SLC12A6: variants seen among roughly 807,000 people sequenced by gnomAD.
The protein encoded by SLC12A6 is K-Cl cotransporter 3.
A neutral mutation model predicts 135.3 loss-of-function variants in SLC12A6; 66 were observed. That is an observed-to-expected ratio of 0.49 (90% CI 0.40 to 0.60). The LOEUF (loss-of-function observed/expected upper bound fraction) is 0.60, where lower values mean the gene tolerates loss of function less well. Ranked by LOEUF, SLC12A6 falls within the 20% of genes least tolerant of loss-of-function variation. The pLI is 0.00. For synonymous variants in SLC12A6, 513 were observed against 508.8 expected (o/e 1.01, Z -0.11); for missense variants, 1,058 against 1,452.3 (o/e 0.73, Z 4.41).
At chr15:34,330,700 A>G (rs544078208) in intron 2 of SLC12A6, among the ~76,000 whole-genome samples, 1 of 152,240 alleles carries the variant, frequency 6.6e-6, no homozygotes, top group Non-Finnish European at 1.5e-5. Flanking sequence ...AAAAAAAACA[A>G]AACTATCAAG....
rs114895928 is a variant in SLC12A6 at position 34,237,596 on chromosome 15, A to G, written c.2803-46T>C. The stretch of plus-strand genomic sequence containing the variant: ...TGTGAAAAATTAGAGCAAGGAGGCA[A>G]AAAAGGTTATTTCCTAAGACATTAG... On this transcript the variant is annotated intron_variant, in intron 21 of 25. Transcript: ENST00000354181. 1,562 of 1,553,190 alleles carry G rather than the reference A, an allele frequency of 1.0e-3. 16 individuals carry two copies. In the African/African-American group the frequency reaches 0.018, roughly 18 times the overall value.
At chr15:34,327,004 GGT>G (rs1052983996) in intron 2 of SLC12A6, among the ~76,000 whole-genome samples, 8 of 150,942 alleles carry the variant, frequency 5.3e-5, no homozygotes, top group African/African-American at 1.5e-4. Context: ...CAAAAATTCT[GGT>G]CTTGGAATTA....
chr15:34,242,198 C>T lies in SLC12A6; in HGVS notation c.2066G>A (p.Ser689Asn). 3.8e-6 allele frequency: 6 copies of T among 1,599,868 alleles called. No homozygotes were observed. Among genetic ancestry groups the T allele is most frequent in the Non-Finnish European group, 5.1e-6 (6 of 1,167,376 alleles). The part of the protein sequence containing the change: ...YHWALSFMGM[S>N]ICLALMFISS... ...AATGAACATCAGAGCCAGACAGATA[C>T]TCATTCCCATGAAAGAAAGGGCCCT... The change falls in exon 17 of 26, where the codon AGT (serine) becomes AAT (asparagine). Residue 689 changes from serine (S) to asparagine (N), a missense_variant. Coordinates refer to ENST00000354181, the MANE Select transcript of SLC12A6 (RefSeq NM_001365088.1).
intron 2 of SLC12A6, among the ~76,000 whole-genome samples, chr15:34,285,109 G>A (rs1400929797): frequency 6.6e-6 from 1 of 152,180 alleles, no homozygotes; most frequent in East Asian, 1.9e-4. Context: ...TTTACTGTGA[G>A]ATAAGAAGCC....
chr15:34,268,277 T>C (rs1231636499), intron 3 of SLC12A6, among the ~76,000 whole-genome samples: 3 of 152,220 alleles, frequency 2.0e-5, no homozygotes, highest in Non-Finnish European at 4.4e-5. Context: ...CTGGCCCACC[T>C]TCCATTTGCT....
At position 34,255,875 on chromosome 15, in the gene SLC12A6, G is replaced by C. The variant is rs116737222; in HGVS notation, c.745+354C>G. The stretch of plus-strand genomic sequence containing the variant: ...TTCCAGCTACTCAGGAGGCTGAAGT[G>C]GGAAAGCAGCTTGAGCCTAGGAGTT... On this transcript the variant is annotated intron_variant, in intron 7 of 25. Transcript: ENST00000354181. Among the ~76,000 whole-genome samples the C allele has an allele frequency of 8.9e-3, 1,351 of 152,104 alleles. 11 individuals are homozygous for C. The highest frequency in any genetic ancestry group is 0.031 in the African/African-American group (1,275 of 41,514).
In SLC12A6 at chr15:34,232,375, G is replaced by C. The variant is rs1891005134; in HGVS notation, c.*1506C>G. 6.6e-6 allele frequency: 1 copy of C among 152,144 alleles called. No homozygotes were observed. The highest frequency in any genetic ancestry group is 1.5e-5 in the Non-Finnish European group (1 of 68,044). 9.4% of individuals were successfully genotyped at this position (152,144 alleles called of 1,614,324 possible). A position where few individuals can be genotyped will look rare whatever the true frequency, so the allele number is the denominator to read the frequency against. ...TCCGTGTTGCTGGGATCACAGGCAT[G>C]CACCACCATGCCCAGCTAATTTTTG... On this transcript the variant is annotated 3_prime_UTR_variant, in exon 26 of 26. Transcript: ENST00000354181.
rs770531965 is a variant in SLC12A6 at position 34,233,981 on chromosome 15, C to T, written c.3362-9G>A. 2.4e-5 allele frequency: 35 copies of T among 1,473,974 alleles called. No individual in the cohort carries two copies. The allele number at this position is 1,473,974 out of a possible 1,614,324, so 91.3% of individuals were successfully genotyped here. A position where few individuals can be genotyped will look rare whatever the true frequency, so the allele number is the denominator to read the frequency against. On this transcript the variant is annotated splice_polypyrimidine_tract_variant and intron_variant, in intron 25 of 25. Transcript: ENST00000354181. ...CTCTAGGAACTCCATGTCTTCAAAACTTGTCAAGGAGACAGGCAAAAGAAG... is the reference window on the plus strand; with the variant it reads ...CTCTAGGAACTCCATGTCTTCAAAATTTGTCAAGGAGACAGGCAAAAGAAG...
rs1891239879 is a variant in SLC12A6 at position 34,236,033 on chromosome 15, T to A, written c.3209A>T (p.Asp1070Val). The A allele has an allele frequency of 6.2e-7, 1 of 1,614,004 alleles. No homozygotes were observed. Among genetic ancestry groups the A allele is most frequent in the Non-Finnish European group, 8.5e-7 (1 of 1,179,846 alleles). Reference sequence around the variant, plus strand: ...AACTTACGGACGCATGTTAAGCAGGTCCTGGAATCCTTCCATTGACTTCGC... The same window carrying A: ...AACTTACGGACGCATGTTAAGCAGGACCTGGAATCCTTCCATTGACTTCGC... ...QKAKSMEGFQ[D>V]LLNMRPDQSN... Residue 1070 changes from aspartate (D) to valine (V), a missense_variant, in exon 24 of 26, where the codon GAC becomes GTC. Transcript: ENST00000354181.
chr15:34,254,199 C>A, intron 9 of SLC12A6, 149 bp downstream of exon 9: 1 of 818,746 alleles, frequency 1.2e-6, no homozygotes, highest in South Asian at 1.4e-5. Context: ...AGGCTTCCTG[C>A]CTAGATGAGG....
At chr15:34,236,300 C>G in intron 23 of SLC12A6, 101 bp from the exon 24 acceptor site, 1 of 853,584 alleles carries the variant, frequency 1.2e-6, no homozygotes, top group Non-Finnish European at 2.0e-6. Context: ...GAATAACTGA[C>G]AGAGTGAGAA....
intron 2 of SLC12A6, among the ~76,000 whole-genome samples, chr15:34,326,692 CTTTTTTT>C (rs10550362): frequency 2.1e-4 from 29 of 135,330 alleles, no homozygotes; most frequent in African/African-American, 7.2e-4. Flanking sequence ...CATTTTATTA[CTTTTTTT>C]TTTTTTTTTT....
intron 2 of SLC12A6, among the ~76,000 whole-genome samples, chr15:34,305,666 A>C (rs1896558326): frequency 6.6e-6 from 1 of 152,026 alleles, no homozygotes; most frequent in Non-Finnish European, 1.5e-5. Context: ...GGTGATAATA[A>C]TTATTTAGGT....
At chr15:34,333,935 T>G (rs997878496) in intron 2 of SLC12A6, among the ~76,000 whole-genome samples, 2 of 151,812 alleles carry the variant, frequency 1.3e-5, no homozygotes, top group African/African-American at 4.8e-5. Context: ...CCAGGTGTGG[T>G]GGTGCATGCC....
rs1890838686 is a variant in SLC12A6 at position 34,230,320 on chromosome 15, T to C, written c.*3561A>G. 1 of 156,770 alleles carries C rather than the reference T, an allele frequency of 6.4e-6. No homozygotes were observed. 9.7% of individuals were successfully genotyped at this position (156,770 alleles called of 1,614,324 possible). A position where few individuals can be genotyped will look rare whatever the true frequency, so the allele number is the denominator to read the frequency against. On this transcript the variant is annotated 3_prime_UTR_variant, in exon 26 of 26. Coordinates refer to ENST00000354181, the MANE Select transcript of SLC12A6 (RefSeq NM_001365088.1). ...ACCAGACAAAAGGAGCACATAAATA[T>C]GCATACAGTGTAACTGTTATTATTT...
chr15:34,240,589 G>A, intron 19 of SLC12A6, 72 bp downstream of exon 19: 1 of 1,271,956 alleles, frequency 7.9e-7, no homozygotes, highest in African/African-American at 1.5e-5. Flanking sequence ...TCAAGTAGAA[G>A]TTTGAGGTCT....
intron 15 of SLC12A6, among the ~76,000 whole-genome samples, chr15:34,244,282 G>A (rs1318775611): frequency 1.3e-5 from 2 of 152,174 alleles, no homozygotes; most frequent in South Asian, 4.1e-4. Flanking sequence ...TTACCCAGTT[G>A]TTCTTAGGAT....
chr15:34,298,069 G>A (rs1446751170), intron 2 of SLC12A6, among the ~76,000 whole-genome samples: 2 of 152,080 alleles, frequency 1.3e-5, no homozygotes, highest in Admixed American at 6.5e-5. Flanking sequence ...TACATGCTAG[G>A]CACTATGGAT....
intron 2 of SLC12A6, among the ~76,000 whole-genome samples, chr15:34,314,323 A>G (rs953763603): frequency 6.6e-6 from 1 of 152,230 alleles, no homozygotes; most frequent in Admixed American, 6.5e-5. Context: ...CTGGGATTAC[A>G]GGTGTGAGCC....
Sources: gnomAD v4.1 joint callset for allele counts (sites outside exome capture counted in the v4.1 genomes callset) on GRCh38, gnomAD v4.1.1 for gene constraint, MANE v1.5 for transcripts, NCBI Gene and HGNC (gene_info 2026-07-23, HGNC 2026-07-21) for gene names.